The following USP37 variants were observed in gnomAD, a reference collection of about 807,000 sequenced individuals.
USP37 encodes the protein ubiquitin specific peptidase 37.
Under a neutral mutation model 124.0 loss-of-function variants are expected in USP37, and 27 were observed. The ratio of observed to expected loss-of-function variants is 0.22; its 90% confidence interval spans 0.16 to 0.30. The LOEUF is 0.30. Ranked by LOEUF, USP37 falls within the 10% of genes least tolerant of loss-of-function variation. The pLI, the probability that USP37 is intolerant of heterozygous loss-of-function variation, is 1.00. For missense variants in USP37, 889 were observed against 1,140.4 expected (o/e 0.78, Z 3.17); for synonymous variants, 365 against 388.0 (o/e 0.94, Z 0.70).
Position 218,474,847 on chromosome 2 carries a change from T to G in USP37, c.2082A>C (p.Glu694Asp). ...KLCPIEPDKS[E>D]LENSGFDRMS... ...TTCTGTCAAATCCTGAGTTTTCCAATTCAGACTTGTCAGGCTCTATTGGGC... is the reference window on the plus strand; with the variant it reads ...TTCTGTCAAATCCTGAGTTTTCCAAGTCAGACTTGTCAGGCTCTATTGGGC... The change falls in exon 20 of 26, where the codon GAA becomes GAC. Residue 694 changes from glutamate (E) to aspartate (D), a missense_variant. Transcript: ENST00000258399. 1 of 1,614,084 alleles carries G rather than the reference T, an allele frequency of 6.2e-7. No homozygotes were observed. The highest frequency in any genetic ancestry group is 1.1e-5 in the South Asian group (1 of 91,076).
chr2:218,506,885 C>T (rs925132714), intron 11 of USP37, among the ~76,000 whole-genome samples: 3 of 151,852 alleles, frequency 2.0e-5, no homozygotes. Context: ...CAACCTCTGC[C>T]TCTTGGGTTC....
At chr2:218,457,370 T>C (rs1204652230) in intron 23 of USP37, among the ~76,000 whole-genome samples, 1 of 152,210 alleles carries the variant, frequency 6.6e-6, no homozygotes, top group Non-Finnish European at 1.5e-5. Flanking sequence ...AAGAAGAGTA[T>C]ATGTATCAAA....
intron 11 of USP37, among the ~76,000 whole-genome samples, chr2:218,498,650 C>T (rs1335876117): frequency 4.6e-5 from 7 of 152,062 alleles, no homozygotes; most frequent in Non-Finnish European, 1.0e-4. Flanking sequence ...TCGCTTGAAC[C>T]CAGGAGGCAG....
chr2:218,489,494 T>C (rs1310361378), intron 14 of USP37, among the ~76,000 whole-genome samples: 1 of 152,100 alleles, frequency 6.6e-6, no homozygotes, highest in Non-Finnish European at 1.5e-5. Context: ...ATTTTTTATT[T>C]TTTTGAGGCG....
intron 14 of USP37, 131 bp downstream of exon 14, chr2:218,495,629 G>T: frequency 9.9e-7 from 1 of 1,007,036 alleles, no homozygotes; most frequent in Non-Finnish European, 1.4e-6. Context: ...GCACCCAAGA[G>T]CCTAGGCAAC....
rs1689590627 is a variant in USP37 at position 218,504,740 on chromosome 2, T to C, written c.1025+5239A>G. Among the ~76,000 whole-genome samples the C allele has an allele frequency of 4.6e-5, 7 of 152,160 alleles. No homozygotes were observed. In the South Asian group the frequency reaches 1.5e-3, roughly 32 times the overall value. On this transcript the variant is annotated intron_variant, in intron 11 of 25. Coordinates refer to ENST00000258399, the MANE Select transcript of USP37 (RefSeq NM_020935.3). ...GTGGGCCACTGTGCCTGGCCTAGCCTGCTCATTTTATTTATTTTTTTATTT... is the reference window on the plus strand; with the variant it reads ...GTGGGCCACTGTGCCTGGCCTAGCCCGCTCATTTTATTTATTTTTTTATTT...
At chr2:218,517,673 T>C (rs533592041) in intron 10 of USP37, among the ~76,000 whole-genome samples, 5 of 152,336 alleles carry the variant, frequency 3.3e-5, no homozygotes, top group Admixed American at 1.3e-4. Flanking sequence ...AGTTTCACTA[T>C]GACATGCCTA....
At chr2:218,511,101 T>C (rs1202783689) in intron 10 of USP37, among the ~76,000 whole-genome samples, 1 of 152,164 alleles carries the variant, frequency 6.6e-6, no homozygotes, top group Non-Finnish European at 1.5e-5. Context: ...AACATATTCA[T>C]ATAGTTGTTT....
Position 218,558,527 on chromosome 2 carries a change from T to C in USP37, c.127A>G (p.Asn43Asp). 1.2e-6 allele frequency: 2 copies of C among 1,612,870 alleles called. No homozygotes were observed. Among genetic ancestry groups the C allele is most frequent in the East Asian group, 2.2e-5 (1 of 44,786 alleles). The change falls in exon 4 of 26, where the codon AAT (asparagine) becomes GAT (aspartate). Residue 43 changes from asparagine (N) to aspartate (D), a missense_variant. Physicochemically the swap from Asn to Asp is conservative, Grantham distance 23. Coordinates refer to ENST00000258399, the MANE Select transcript of USP37 (RefSeq NM_020935.3). ...ENKVSLVVHY[N>D]TGGIPRIFQL... is the part of the protein sequence containing the mutation. ...AATATCCTTGGAATTCCTCCAGTAT[T>C]GTAGTGAACTACTAGGCTGACTTTA...
rs1299147393 is a variant in USP37 at position 218,450,420 on chromosome 2, C to G, written c.*4510G>C. 6.6e-6 allele frequency: 1 copy of G among 152,630 alleles called. No homozygotes were observed. Among genetic ancestry groups the G allele is most frequent in the Non-Finnish European group, 1.5e-5 (1 of 68,040 alleles). 9.5% of individuals were successfully genotyped at this position (152,630 alleles called of 1,614,324 possible). A position where few individuals can be genotyped will look rare whatever the true frequency, so the allele number is the denominator to read the frequency against. On this transcript the variant is annotated 3_prime_UTR_variant, in exon 26 of 26. Transcript: ENST00000258399. ...CATAAAGAATCAGAATCAAAAGTCA[C>G]TCTGAACATAAAGAAAAAAAATCAT...
chr2:218,535,698 T>C (rs551168424), intron 8 of USP37, among the ~76,000 whole-genome samples: 26 of 151,554 alleles, frequency 1.7e-4, no homozygotes, highest in African/African-American at 5.8e-4. Flanking sequence ...CTACTAAAAA[T>C]ACAATAATTA....
intron 10 of USP37, among the ~76,000 whole-genome samples, chr2:218,512,042 T>C (rs1049694159): frequency 2.0e-5 from 3 of 152,144 alleles, no homozygotes; most frequent in Non-Finnish European, 4.4e-5. Flanking sequence ...AAATTACTTA[T>C]TGTTTGTCTA....
chr2:218,555,185 T>C (rs1692897721), intron 4 of USP37, among the ~76,000 whole-genome samples: 1 of 152,236 alleles, frequency 6.6e-6, no homozygotes, highest in South Asian at 2.1e-4. Flanking sequence ...GGCAGCCTTA[T>C]TCTCTAATGT....
chr2:218,470,953 T>C (rs890032910), intron 20 of USP37, among the ~76,000 whole-genome samples: 7 of 152,234 alleles, frequency 4.6e-5, no homozygotes, highest in African/African-American at 1.7e-4. Context: ...CTTGGCATAT[T>C]TGAGGGAGGG....
At position 218,454,921 on chromosome 2, in the gene USP37, G is replaced by T; in HGVS notation, c.*9C>A. On this transcript the variant is annotated 3_prime_UTR_variant, in exon 26 of 26. Coordinates refer to ENST00000258399, the MANE Select transcript of USP37 (RefSeq NM_020935.3). ...TGCAGTGCATGCTGCCAACCCAGGAGTTTGTTCCTCACAAGGCCTGACGGG... is the reference window on the plus strand; with the variant it reads ...TGCAGTGCATGCTGCCAACCCAGGATTTTGTTCCTCACAAGGCCTGACGGG... The T allele has an allele frequency of 6.2e-7, 1 of 1,613,778 alleles. No homozygotes were observed. Among genetic ancestry groups the T allele is most frequent in the Non-Finnish European group, 8.5e-7 (1 of 1,179,968 alleles).
chr2:218,464,799 G>C (rs902630116), intron 21 of USP37, among the ~76,000 whole-genome samples: 1 of 152,196 alleles, frequency 6.6e-6, no homozygotes, highest in Non-Finnish European at 1.5e-5. Flanking sequence ...AAAAGAGCAA[G>C]GGCTGGGGGC....
chr2:218,529,218 T>C (rs188816126), intron 10 of USP37, among the ~76,000 whole-genome samples: 1 of 152,256 alleles, frequency 6.6e-6, no homozygotes, highest in Non-Finnish European at 1.5e-5. Flanking sequence ...AAATTTTCTG[T>C]AGAGTGGTCG....
intron 24 of USP37, 76 bp from the exon 25 acceptor site, chr2:218,455,794 T>C: frequency 4.0e-6 from 6 of 1,492,840 alleles, no homozygotes; most frequent in Non-Finnish European, 5.4e-6. Flanking sequence ...ACGCCTGTAA[T>C]CTCAGCACTT....
chr2:218,545,354 G>C (rs1692260907), intron 8 of USP37, among the ~76,000 whole-genome samples: 1 of 152,136 alleles, frequency 6.6e-6, no homozygotes, highest in Non-Finnish European at 1.5e-5. Flanking sequence ...AATAGAAATG[G>C]AGACAAGAAA....
Sources: allele counts gnomAD v4.1 joint callset (sites outside exome capture counted in the v4.1 genomes callset), GRCh38; gene constraint gnomAD v4.1.1; transcripts MANE v1.5; gene names NCBI Gene and HGNC (gene_info 2026-07-23, HGNC 2026-07-21).